RBM38: variants seen among roughly 807,000 people sequenced by gnomAD.
The protein encoded by RBM38 is RNA binding motif protein 38.
Under a neutral mutation model 23.5 loss-of-function variants are expected in RBM38, and 11 were observed. That is an observed-to-expected ratio of 0.47 (90% CI 0.29 to 0.77). The LOEUF is 0.77. Among genes scored for constraint, RBM38 ranks in the 30% least tolerant of loss-of-function variants. The probability of loss-of-function intolerance (pLI) is 0.08; values close to 1 mark genes in which losing one functional copy is unlikely to be tolerated. For synonymous variants in RBM38, 165 were observed against 166.1 expected, an observed-to-expected ratio of 0.99 and a Z score of 0.05; for missense variants, 330 against 351.9, an observed-to-expected ratio of 0.94 and a Z score of 0.50.
chr20:57,405,446 C>A (rs753708037), intron 3 of RBM38, among the ~76,000 whole-genome samples: 2 of 152,210 alleles, frequency 1.3e-5, no homozygotes, highest in African/African-American at 4.8e-5. Flanking sequence ...GGCGCCACTG[C>A]GGGGTTCCTG....
At chr20:57,398,709 T>A (rs868022557) in intron 3 of RBM38, among the ~76,000 whole-genome samples, 1 of 152,248 alleles carries the variant, frequency 6.6e-6, no homozygotes, top group Non-Finnish European at 1.5e-5. Flanking sequence ...TCTCCGAGCA[T>A]GAGTTCTCAC....
intron 3 of RBM38, among the ~76,000 whole-genome samples, chr20:57,402,958 C>T (rs549392014): frequency 6.6e-6 from 1 of 152,362 alleles, no homozygotes; most frequent in South Asian, 2.1e-4. Flanking sequence ...GGTCCACAGT[C>T]GGGCGTCTCA....
chr20:57,399,723 C>T (rs6128020), intron 3 of RBM38, among the ~76,000 whole-genome samples: 53,867 of 152,036 alleles, frequency 0.35, 12,189 homozygotes, highest in East Asian at 0.75. Flanking sequence ...CGGCCCTCCC[C>T]CTCACAAGTC....
chr20:57,405,234 C>T (rs1196862150), intron 3 of RBM38, among the ~76,000 whole-genome samples: 2 of 152,326 alleles, frequency 1.3e-5, no homozygotes, highest in African/African-American at 2.4e-5. Context: ...ATTTTGGTGC[C>T]TCTCCCATCC....
At chr20:57,392,307 C>G in intron 1 of RBM38, 1 of 795,820 alleles carries the variant, frequency 1.3e-6, no homozygotes. Flanking sequence ...CAAACTCCTT[C>G]TCAGAGGAAA....
chr20:57,391,595 C>G lies in RBM38; in HGVS notation c.14C>G (p.Pro5Arg). Reference protein sequence around the residue: MLLQPAPCAPSAGFP... With the variant: MLLQRAPCAPSAGFP... Reference sequence around the variant, plus strand: ...GGGGCGCCCCCCATGCTGCTGCAGCCCGCGCCGTGCGCCCCGAGCGCGGGC... The same window carrying G: ...GGGGCGCCCCCCATGCTGCTGCAGCGCGCGCCGTGCGCCCCGAGCGCGGGC... Residue 5 changes from proline (P) to arginine (R), a missense_variant, in exon 1 of 4, where the codon CCC becomes CGC. Physicochemically the swap from Pro to Arg is moderately radical, Grantham distance 103. This residue lies in a region of RBM38 where 95 missense variants were observed against 111.9 expected (regional missense o/e 0.85). Transcript: ENST00000356208. 7.4e-7 allele frequency: 1 copy of G among 1,355,676 alleles called. No homozygotes were observed. The highest frequency in any genetic ancestry group is 9.6e-7 in the Non-Finnish European group (1 of 1,041,508). The allele number at this position is 1,355,676 out of a possible 1,614,324, so 84.0% of individuals were successfully genotyped here.
chr20:57,405,936 C>T (rs535635549), intron 3 of RBM38, among the ~76,000 whole-genome samples: 59 of 152,334 alleles, frequency 3.9e-4, no homozygotes, highest in African/African-American at 1.3e-3. Flanking sequence ...CCCTGCCGAA[C>T]GCAGGAGAAT....
intron 3 of RBM38, among the ~76,000 whole-genome samples, chr20:57,396,203 TGA>T (rs1568807570): frequency 6.6e-6 from 1 of 152,250 alleles, no homozygotes; most frequent in African/African-American, 2.4e-5. Flanking sequence ...ACAAGCTCTG[TGA>T]GACCTAACTC....
chr20:57,404,196 T>C (rs575831520), intron 3 of RBM38, among the ~76,000 whole-genome samples: 199 of 152,332 alleles, frequency 1.3e-3, no homozygotes, highest in Non-Finnish European at 1.3e-3. Context: ...GGAACCCAGC[T>C]GCCCCACAGC....
chr20:57,393,823 T>TA (rs1250836958), intron 3 of RBM38, among the ~76,000 whole-genome samples: 12 of 152,214 alleles, frequency 7.9e-5, no homozygotes, highest in Non-Finnish European at 1.5e-4. Context: ...TTGCTGTAGA[T>TA]ACGATGTGTT....
rs2067420304 is a variant in RBM38 at position 57,409,170 on chromosome 20, G to A, written c.*1324G>A. On this transcript the variant is annotated 3_prime_UTR_variant, in exon 4 of 4. Transcript: ENST00000356208. ...CTGGCCGAGGGCGGGGGGCAGCGGG[G>A]GGTCTCCCTCCGGACCTACCTCAGG... The A allele has an allele frequency of 6.5e-6, 1 of 152,686 alleles. No homozygotes were observed. Among genetic ancestry groups the A allele is most frequent in the South Asian group, 2.1e-4 (1 of 4,828 alleles). 9.5% of individuals were successfully genotyped at this position (152,686 alleles called of 1,614,324 possible).
At chr20:57,396,967 C>T (rs2067280965) in intron 3 of RBM38, among the ~76,000 whole-genome samples, 1 of 152,220 alleles carries the variant, frequency 6.6e-6, no homozygotes, top group Admixed American at 6.5e-5. Context: ...TCACTGGCCA[C>T]AACTGGGTGA....
intron 1 of RBM38, chr20:57,392,198 C>T: frequency 3.0e-6 from 1 of 334,078 alleles, no homozygotes; most frequent in South Asian, 2.3e-5. Context: ...CGGCCTCCCC[C>T]ATATTTTTAA....
chr20:57,401,440 C>A (rs969023980), intron 3 of RBM38, among the ~76,000 whole-genome samples: 1 of 152,212 alleles, frequency 6.6e-6, no homozygotes, highest in African/African-American at 2.4e-5. Context: ...GCTTTCTCTG[C>A]CTTCTTGGGG....
At chr20:57,403,445 G>A (rs1305468453) in intron 3 of RBM38, among the ~76,000 whole-genome samples, 1 of 152,278 alleles carries the variant, frequency 6.6e-6, no homozygotes, top group East Asian at 1.9e-4. Context: ...TGTGGCCCGT[G>A]CTGTGCCTTC....
At chr20:57,393,078 T>A (rs1353119096) in intron 2 of RBM38, 5 of 644,612 alleles carry the variant, frequency 7.8e-6, no homozygotes, top group Non-Finnish European at 1.1e-5. Context: ...CACCAGTGGC[T>A]GCTGACACCT....
At chr20:57,401,853 G>A (rs1286213626) in intron 3 of RBM38, among the ~76,000 whole-genome samples, 2 of 152,180 alleles carry the variant, frequency 1.3e-5, no homozygotes, top group East Asian at 1.9e-4. Context: ...GCCTAATAAC[G>A]CAGGAAGCCA....
chr20:57,394,952 C>T (rs1025624835), intron 3 of RBM38, among the ~76,000 whole-genome samples: 1 of 152,236 alleles, frequency 6.6e-6, no homozygotes, highest in African/African-American at 2.4e-5. Context: ...GACTCCATAC[C>T]CATCAGTGCT....
At chr20:57,392,490 C>T in intron 1 of RBM38, 164 bp from the exon 2 acceptor site, 1 of 1,534,494 alleles carries the variant, frequency 6.5e-7, no homozygotes, top group South Asian at 1.2e-5. Context: ...GGGAGAGCCC[C>T]AGGTAGGGTT....
Sources: gnomAD v4.1 joint callset for allele counts (sites outside exome capture counted in the v4.1 genomes callset) on GRCh38, gnomAD v4.1.1 for gene constraint, gnomAD v4.1.1 regional missense constraint, MANE v1.5 for transcripts, NCBI Gene and HGNC (gene_info 2026-07-23, HGNC 2026-07-21) for gene names.